Variants in SMC3 observed in about 807,000 individuals in gnomAD.
SMC3 encodes structural maintenance of chromosomes protein 3.
Under a neutral mutation model 171.8 loss-of-function variants are expected in SMC3, and 20 were observed. The ratio of observed to expected loss-of-function variants is 0.12; its 90% confidence interval spans 0.08 to 0.17. The LOEUF is 0.17. Ranked by LOEUF, SMC3 falls within the 10% of genes least tolerant of loss-of-function variation. The pLI, the probability that SMC3 is intolerant of heterozygous loss-of-function variation, is 1.00. For missense variants in SMC3, 543 were observed against 1,420.4 expected (o/e 0.38, Z 9.93); for synonymous variants, 464 against 451.1 (o/e 1.03, Z -0.36).
At chr10:110,584,784 C>CA (rs1419531010) in intron 13 of SMC3, among the ~76,000 whole-genome samples, 11 of 152,084 alleles carry the variant, frequency 7.2e-5, no homozygotes, top group Admixed American at 1.3e-4. Context: ...CCAGGCCCAG[C>CA]AAAATTTTTA....
intron 19 of SMC3, among the ~76,000 whole-genome samples, chr10:110,597,918 G>A (rs1861326822): frequency 6.6e-6 from 1 of 152,162 alleles, no homozygotes; most frequent in Admixed American, 6.5e-5. Flanking sequence ...CAGTATACAT[G>A]TTATTCTGAG....
intron 25 of SMC3, 146 bp from the exon 26 acceptor site, chr10:110,602,328 G>T: frequency 1.1e-6 from 1 of 952,014 alleles, no homozygotes; most frequent in South Asian, 1.4e-5. Flanking sequence ...ACAGTAACTT[G>T]AATGTTTTAC....
chr10:110,598,053 A>C, intron 19 of SMC3, 86 bp from the exon 20 acceptor site: 4 of 1,224,614 alleles, frequency 3.3e-6, no homozygotes, highest in Non-Finnish European at 4.7e-6. Flanking sequence ...AAGAAAAGGA[A>C]GGGATACATG....
chr10:110,590,654 C>T, intron 16 of SMC3, 82 bp downstream of exon 16: 1 of 1,158,284 alleles, frequency 8.6e-7, no homozygotes, highest in Non-Finnish European at 1.3e-6. Context: ...TTTTGTACAA[C>T]ATATCTTCCA....
chr10:110,601,774 C>T lies in SMC3; in HGVS notation c.2782C>T (p.Arg928Trp), dbSNP rs202034783. The T allele has an allele frequency of 2.5e-6, 4 of 1,613,700 alleles. No homozygotes were observed. Among genetic ancestry groups the T allele is most frequent in the Admixed American group, 3.3e-5 (2 of 59,986 alleles). The change falls in exon 24 of 29, where the codon CGG (arginine) becomes TGG (tryptophan). Residue 928 changes from arginine (R) to tryptophan (W), a missense_variant. Coordinates refer to ENST00000361804, the MANE Select transcript of SMC3 (RefSeq NM_005445.4). ...DTKELEKMTN[R>W]QGMLLKKKEE... ...TAAAGAACTGGAAAAGATGACAAATCGGCAAGGCATGCTATTGAAGAAGAA... is the reference window on the plus strand; with the variant it reads ...TAAAGAACTGGAAAAGATGACAAATTGGCAAGGCATGCTATTGAAGAAGAA...
At chr10:110,603,493 C>T (rs903709334) in intron 28 of SMC3, among the ~76,000 whole-genome samples, 2 of 152,108 alleles carry the variant, frequency 1.3e-5, no homozygotes, top group Non-Finnish European at 2.9e-5. Flanking sequence ...TTTTCATTGG[C>T]ATTAATAAAC....
At chr10:110,602,219 A>C (rs747429447) in intron 25 of SMC3, 41 bp downstream of exon 25, 22 of 1,519,350 alleles carry the variant, frequency 1.4e-5, no homozygotes, top group Non-Finnish European at 1.9e-5. Context: ...CACAGAGGAC[A>C]AAAGCTTCCA....
chr10:110,569,383 C>T (rs73350936), intron 2 of SMC3, among the ~76,000 whole-genome samples: 5 of 152,046 alleles, frequency 3.3e-5, no homozygotes, highest in African/African-American at 9.7e-5. Flanking sequence ...ATTCCCCCCC[C>T]ACCCCGGCAG....
At chr10:110,600,573 T>TTC in intron 22 of SMC3, 27 bp downstream of exon 22, 2 of 1,128,482 alleles carry the variant, frequency 1.8e-6, no homozygotes, top group South Asian at 2.5e-5. Flanking sequence ...TTTTTTTTTT[T>TTC]TAAGGGCTCC....
chr10:110,580,580 C>G (rs1861016555), intron 7 of SMC3, among the ~76,000 whole-genome samples: 2 of 152,202 alleles, frequency 1.3e-5, no homozygotes, highest in South Asian at 4.1e-4. Context: ...CTGTTTAAAA[C>G]TTGGCATGTC....
At chr10:110,600,567 T>A in intron 22 of SMC3, 21 bp downstream of exon 22, 1 of 1,360,324 alleles carries the variant, frequency 7.4e-7, no homozygotes, top group Non-Finnish European at 1.1e-6. Flanking sequence ...GTTTTTTTTT[T>A]TTTTTTTAAG....
At chr10:110,578,793 T>A in intron 7 of SMC3, 87 bp downstream of exon 7, 3 of 1,023,764 alleles carry the variant, frequency 2.9e-6, no homozygotes, top group Non-Finnish European at 4.5e-6. Flanking sequence ...TTTGAGTGGT[T>A]AAGCTGAAGC....
intron 2 of SMC3, among the ~76,000 whole-genome samples, chr10:110,572,890 A>G (rs906901636): frequency 7.2e-5 from 11 of 152,158 alleles, no homozygotes; most frequent in Middle Eastern, 3.4e-3. Flanking sequence ...CCCACCAATA[A>G]TTTATAATTT....
intron 17 of SMC3, among the ~76,000 whole-genome samples, chr10:110,592,784 C>T (rs917349355): frequency 6.6e-6 from 1 of 152,176 alleles, no homozygotes; most frequent in Non-Finnish European, 1.5e-5. Flanking sequence ...CCACAGTACA[C>T]ATCTGATAAA....
Position 110,599,682 on chromosome 10 carries a change from G to A in SMC3, c.2297G>A (p.Ser766Asn). ...KQRSLQSLEASLHAMESTRES... is the reference protein window; with the variant it reads ...KQRSLQSLEANLHAMESTRES... ...CGTAGCTTACAGAGTTTGGAGGCAAGCTTGCATGCTATGGAGTCTACCAGA... is the reference window on the plus strand; with the variant it reads ...CGTAGCTTACAGAGTTTGGAGGCAAACTTGCATGCTATGGAGTCTACCAGA... The change falls in exon 21 of 29, where the codon AGC becomes AAC. Residue 766 changes from serine to asparagine, a missense_variant. Transcript: ENST00000361804. The A allele has an allele frequency of 6.2e-7, 1 of 1,614,150 alleles. No individual in the cohort carries two copies. The highest frequency in any genetic ancestry group is 8.5e-7 in the Non-Finnish European group (1 of 1,180,006).
intron 21 of SMC3, 122 bp downstream of exon 21, chr10:110,599,934 G>C (rs1285580991): frequency 1.1e-6 from 1 of 933,506 alleles, no homozygotes; most frequent in Non-Finnish European, 1.7e-6. Context: ...ATGAGGCTTG[G>C]ACTTTTAATA....
chr10:110,594,957 A>C (rs188564016), intron 18 of SMC3, among the ~76,000 whole-genome samples: 138 of 152,164 alleles, frequency 9.1e-4, no homozygotes, highest in African/African-American at 2.8e-3. Context: ...TTTTCTATTT[A>C]GGATTAAATC....
At chr10:110,581,364 G>A (rs2134723877) in intron 8 of SMC3, among the ~76,000 whole-genome samples, 1 of 151,930 alleles carries the variant, frequency 6.6e-6, no homozygotes, top group South Asian at 2.1e-4. Context: ...GATTACAGGT[G>A]CCCACCACCA....
chr10:110,578,711 A>G lies in SMC3; in HGVS notation c.429+5A>G. 1 of 1,588,650 alleles carries G rather than the reference A, an allele frequency of 6.3e-7. No homozygotes were observed. The highest frequency in any genetic ancestry group is 8.6e-7 in the Non-Finnish European group (1 of 1,160,240). On this transcript the variant is annotated splice_donor_5th_base_variant and intron_variant, in intron 7 of 28. Transcript: ENST00000361804. The stretch of plus-strand genomic sequence containing the variant: ...TATATTGTTAAACAAGGAAAGGTAA[A>G]ACAATTGTATGTCCTTTTTAAGTAG...
Sources: gnomAD v4.1 joint callset for allele counts (sites outside exome capture counted in the v4.1 genomes callset) on GRCh38, gnomAD v4.1.1 for gene constraint, MANE v1.5 for transcripts, NCBI Gene and HGNC (gene_info 2026-07-23, HGNC 2026-07-21) for gene names.